The following AFF3 variants were observed in gnomAD, a reference collection of about 807,000 sequenced individuals.
AFF3 encodes the protein AF4/FMR2 family member 3.
In AFF3, 32 loss-of-function variants were observed where a neutral mutation model predicts 129.7. The ratio of observed to expected loss-of-function variants is 0.25; its 90% CI spans 0.19 to 0.33. The LOEUF is 0.33. Among genes scored for constraint, AFF3 ranks in the 10% least tolerant of loss-of-function variants. The pLI, the probability that AFF3 is intolerant of heterozygous loss-of-function variation, is 1.00. For synonymous variants in AFF3, 644 were observed against 635.4 expected, an observed-to-expected ratio of 1.01 and a Z score of -0.20; for missense variants, 1,373 against 1,592.0, an observed-to-expected ratio of 0.86 and a Z score of 2.34.
At chr2:100,029,394 G>A (rs1684303306) in intron 4 of AFF3, among the ~76,000 whole-genome samples, 1 of 152,140 alleles carries the variant, frequency 6.6e-6, no homozygotes, top group South Asian at 2.1e-4. Context: ...GAGAAAACTG[G>A]CCACCACCTT....
At chr2:99,568,982 T>C in intron 18 of AFF3, 67 bp from the exon 19 acceptor site, 3 of 1,438,510 alleles carry the variant, frequency 2.1e-6, no homozygotes, top group Non-Finnish European at 2.9e-6. Context: ...AAATATTCCT[T>C]CCTTTCACTC....
At position 99,578,470 on chromosome 2, in the gene AFF3, A is replaced by T; in HGVS notation, c.2794-19T>A. ...CTGCTTTCTAAACAACAAACAACAC[A>T]CATCTTTGAGAAATTGGCCACCTGG... On this transcript the variant is annotated intron_variant, in intron 17 of 24. Transcript: ENST00000672756. 1 of 1,607,012 alleles carries T rather than the reference A, an allele frequency of 6.2e-7. No individual in the cohort carries two copies. The highest frequency in any genetic ancestry group is 1.3e-5 in the African/African-American group (1 of 74,768).
chr2:99,941,102 G>T (rs574341353), intron 7 of AFF3, among the ~76,000 whole-genome samples: 14 of 152,220 alleles, frequency 9.2e-5, no homozygotes, highest in Admixed American at 4.6e-4. Context: ...CCCTGAGCAG[G>T]GAACGTGAGC....
intron 10 of AFF3, among the ~76,000 whole-genome samples, chr2:99,733,396 A>AAACAACAAC (rs3073372): frequency 6.2e-5 from 9 of 144,428 alleles, no homozygotes; most frequent in African/African-American, 1.0e-4. Flanking sequence ...AAAAAAACCA[A>AAACAACAAC]AACAACAACA....
chr2:99,560,479 A>C (rs1675369502), intron 20 of AFF3, 43 bp from the exon 21 acceptor site: 1 of 1,570,490 alleles, frequency 6.4e-7, no homozygotes, highest in South Asian at 1.1e-5. Flanking sequence ...AAAACATAAA[A>C]AGCAAAGAAA....
At position 99,558,819 on chromosome 2, in the gene AFF3, T is replaced by C. The variant is rs1019560281; in HGVS notation, c.3285+56A>G. On this transcript the variant is annotated intron_variant, in intron 22 of 24. Coordinates refer to ENST00000672756, the MANE Select transcript of AFF3 (RefSeq NM_001386135.1). ...GGAGTCTACCAGGTGCTTCACAAATTTGACAGGGAGACAAGTGAAATTAAG... is the reference window on the plus strand; with the variant it reads ...GGAGTCTACCAGGTGCTTCACAAATCTGACAGGGAGACAAGTGAAATTAAG... The C allele has an allele frequency of 3.2e-6, 5 of 1,557,642 alleles. No individual in the cohort carries two copies. The African/African-American group carries it at 4.1e-5, about 13-fold the overall frequency.
chr2:100,025,817 A>T (rs1488936204), intron 4 of AFF3, among the ~76,000 whole-genome samples: 4 of 152,238 alleles, frequency 2.6e-5, no homozygotes, highest in African/African-American at 9.6e-5. Context: ...CCTTTTCAAC[A>T]AGTGGTGCTG....
chr2:99,843,741 A>T (rs1231858644), intron 7 of AFF3, among the ~76,000 whole-genome samples: 1 of 152,226 alleles, frequency 6.6e-6, no homozygotes, highest in Non-Finnish European at 1.5e-5. Flanking sequence ...GTTGACTATA[A>T]ACTAAACAGT....
chr2:99,739,859 T>A (rs1477493479), intron 10 of AFF3, among the ~76,000 whole-genome samples: 1 of 151,986 alleles, frequency 6.6e-6, no homozygotes, highest in East Asian at 1.9e-4. Flanking sequence ...ATGTGCACAA[T>A]GTGCAGGTTA....
rs770618061 is a variant in AFF3, at chr2:99,855,382, CA to C, written c.874-17859del. On this transcript the variant is annotated intron_variant, in intron 7 of 24. Coordinates refer to ENST00000672756, the MANE Select transcript of AFF3 (RefSeq NM_001386135.1). Reference sequence around the variant, plus strand: ...TACACAGTCTGGAAGAAAATATTTGCAAAACATATATTTGGCAGAAGGTTTG... The same window carrying C: ...TACACAGTCTGGAAGAAAATATTTGCAAACATATATTTGGCAGAAGGTTTG... Among the ~76,000 whole-genome samples the C allele has an allele frequency of 2.6e-5, 4 of 152,126 alleles. No individual in the cohort carries two copies. In the East Asian group the frequency reaches 7.7e-4, roughly 29 times the overall value.
At chr2:99,672,175 TTCTCACACACACACACACACAC>T (rs1298393202) in intron 12 of AFF3, among the ~76,000 whole-genome samples, 4 of 139,512 alleles carry the variant, frequency 2.9e-5, no homozygotes, top group East Asian at 2.1e-4. Context: ...GCCAGTTAGC[TTCTCACACACACACACACACAC>T]ACACACACAC....
At chr2:100,053,902 C>T (rs540842687) in intron 4 of AFF3, among the ~76,000 whole-genome samples, 4 of 152,246 alleles carry the variant, frequency 2.6e-5, no homozygotes, top group African/African-American at 4.8e-5. Flanking sequence ...CATAAGACAG[C>T]GGACATCACT....
At chr2:100,085,145 TGAA>T (rs1162297911) in intron 4 of AFF3, among the ~76,000 whole-genome samples, 10 of 147,624 alleles carry the variant, frequency 6.8e-5, no homozygotes, top group Non-Finnish European at 1.0e-4. Context: ...AATTTGGAAT[TGAA>T]GAATTAATTG....
At chr2:99,976,510 A>G (rs1371437055) in intron 7 of AFF3, among the ~76,000 whole-genome samples, 1 of 152,238 alleles carries the variant, frequency 6.6e-6, no homozygotes, top group African/African-American at 2.4e-5. Context: ...GTTCTGTTCC[A>G]GATAGAGCTG....
At chr2:99,763,780 CA>C (rs1478426298) in intron 8 of AFF3, among the ~76,000 whole-genome samples, 3 of 152,120 alleles carry the variant, frequency 2.0e-5, no homozygotes, top group Non-Finnish European at 2.9e-5. Flanking sequence ...AAAATCGTAG[CA>C]AAATCTTGTT....
At chr2:99,962,702 A>G (rs1242164980) in intron 7 of AFF3, among the ~76,000 whole-genome samples, 1 of 152,014 alleles carries the variant, frequency 6.6e-6, no homozygotes, top group Non-Finnish European at 1.5e-5. Context: ...AACAGAATTT[A>G]CTCAATCTAA....
At chr2:99,648,254 A>T (rs1247393475) in intron 13 of AFF3, among the ~76,000 whole-genome samples, 5 of 152,226 alleles carry the variant, frequency 3.3e-5, no homozygotes, top group Non-Finnish European at 7.3e-5. Flanking sequence ...TTTTTACAAC[A>T]TCATCATCTC....
intron 7 of AFF3, among the ~76,000 whole-genome samples, chr2:99,895,793 G>A (rs1415163641): frequency 6.6e-6 from 1 of 152,190 alleles, no homozygotes; most frequent in Non-Finnish European, 1.5e-5. Context: ...TCTCGGATGG[G>A]CGTGGTGGCT....
At chr2:99,711,386 T>C (rs1047964378) in intron 11 of AFF3, among the ~76,000 whole-genome samples, 1 of 152,148 alleles carries the variant, frequency 6.6e-6, no homozygotes, top group African/African-American at 2.4e-5. Flanking sequence ...TGGATTGTTA[T>C]GAGGATTAAA....
Sources: gnomAD v4.1 joint callset for allele counts (sites outside exome capture counted in the v4.1 genomes callset) on GRCh38, gnomAD v4.1.1 for gene constraint, MANE v1.5 for transcripts, NCBI Gene and HGNC (gene_info 2026-07-23, HGNC 2026-07-21) for gene names.